Variants in AGMO observed in about 807,000 individuals in gnomAD.
AGMO encodes the protein glyceryl-ether monooxygenase.
A neutral mutation model predicts 60.2 loss-of-function variants in AGMO; 75 were observed. That is an observed-to-expected ratio of 1.25 (90% CI 1.03 to 1.51). AGMO has a LOEUF of 1.51. Among genes scored for constraint, AGMO ranks in the 40% most tolerant of loss-of-function variants. The pLI is 0.00. For synonymous variants in AGMO, 261 were observed against 177.1 expected (o/e 1.47, Z -3.76); for missense variants, 763 against 525.5 (o/e 1.45, Z -4.42).
chr7:15,198,897 G>A (rs780442164), downstream of AGMO, among the ~76,000 whole-genome samples: 8 of 152,174 alleles, frequency 5.3e-5, no homozygotes, highest in South Asian at 2.1e-4. Context: ...GGGAGAGTTC[G>A]AATCTTGTAG....
intron 5 of AGMO, among the ~76,000 whole-genome samples, chr7:15,415,107 A>T (rs578245923): frequency 2.0e-5 from 3 of 152,226 alleles, no homozygotes; most frequent in Non-Finnish European, 4.4e-5. Context: ...TTTAAAAAAA[A>T]TAGTGAACTT....
At chr7:15,190,256 A>G in the AGMO span, among the ~76,000 whole-genome samples, 1 of 139,918 alleles carries the variant, frequency 7.1e-6, no homozygotes, top group Non-Finnish European at 1.6e-5. Context: ...TATATGCAGC[A>G]AACAGCTGTT....
chr7:15,456,073 C>T (rs1781991855), intron 3 of AGMO, among the ~76,000 whole-genome samples: 1 of 151,964 alleles, frequency 6.6e-6, no homozygotes, highest in African/African-American at 2.4e-5. Flanking sequence ...CTCTAGTTTT[C>T]TTATCTATGT....
intron 3 of AGMO, among the ~76,000 whole-genome samples, chr7:15,454,083 T>C (rs1175723812): frequency 1.3e-5 from 2 of 150,536 alleles, no homozygotes; most frequent in Non-Finnish European, 3.0e-5. Context: ...ATGACACATG[T>C]GGAATGTTAC....
At chr7:15,218,143 G>A (rs1292169463) in intron 12 of AGMO, among the ~76,000 whole-genome samples, 1 of 151,932 alleles carries the variant, frequency 6.6e-6, no homozygotes, top group Non-Finnish European at 1.5e-5. Context: ...TGAAAATGAA[G>A]TTTCATATTC....
At chr7:15,424,769 G>C (rs1174527502) in intron 4 of AGMO, among the ~76,000 whole-genome samples, 1 of 152,106 alleles carries the variant, frequency 6.6e-6, no homozygotes, top group Non-Finnish European at 1.5e-5. Context: ...TCTGAGAAAA[G>C]TTTTGTTTCT....
At chr7:15,225,049 T>A (rs1782035905) in intron 12 of AGMO, among the ~76,000 whole-genome samples, 1 of 152,042 alleles carries the variant, frequency 6.6e-6, no homozygotes, top group Non-Finnish European at 1.5e-5. Flanking sequence ...ACATTTGGTA[T>A]ACTTCTTTCA....
chr7:15,396,611 T>A (rs987562613), intron 5 of AGMO: 43 of 152,290 alleles, frequency 2.8e-4, no homozygotes, highest in African/African-American at 8.7e-4. Flanking sequence ...TATTCCCTTA[T>A]CCGGCCCCGC....
At chr7:15,361,802 C>G (rs1465790283) in intron 12 of AGMO, among the ~76,000 whole-genome samples, 1 of 151,984 alleles carries the variant, frequency 6.6e-6, no homozygotes, top group Admixed American at 6.6e-5. Flanking sequence ...ACACACCTCC[C>G]AAATAATGTA....
intron 12 of AGMO, among the ~76,000 whole-genome samples, chr7:15,247,311 T>C: frequency 6.6e-6 from 1 of 152,170 alleles, no homozygotes; most frequent in Middle Eastern, 3.4e-3. Context: ...ATATTTTTCT[T>C]TAAAATTTAT....
chr7:15,181,874 C>G, the AGMO span, among the ~76,000 whole-genome samples: 1 of 152,076 alleles, frequency 6.6e-6, no homozygotes, highest in African/African-American at 2.4e-5. Flanking sequence ...CAGATAAAAT[C>G]TGTAATCTAT....
intron 3 of AGMO, among the ~76,000 whole-genome samples, chr7:15,485,031 A>G (rs1412307069): frequency 1.3e-5 from 2 of 151,692 alleles, no homozygotes; most frequent in Non-Finnish European, 2.9e-5. Context: ...AAAGAGGGTA[A>G]TAAGAAAAAT....
the AGMO span, among the ~76,000 whole-genome samples, chr7:15,168,688 C>T: frequency 2.6e-5 from 4 of 152,260 alleles, no homozygotes; most frequent in South Asian, 8.3e-4. Flanking sequence ...AAAAATAGTT[C>T]CTTAGACTCA....
intron 12 of AGMO, among the ~76,000 whole-genome samples, chr7:15,221,701 C>G (rs1171075350): frequency 2.0e-5 from 3 of 152,082 alleles, no homozygotes; most frequent in Non-Finnish European, 2.9e-5. Context: ...AACTATTGTT[C>G]AAATGAATGT....
chr7:15,434,338 C>T (rs1012337817), intron 3 of AGMO, among the ~76,000 whole-genome samples: 1 of 152,102 alleles, frequency 6.6e-6, no homozygotes, highest in Non-Finnish European at 1.5e-5. Flanking sequence ...CTTTTATAAT[C>T]TCCTACCTTT....
chr7:15,426,414 CA>C (rs1352283735), intron 4 of AGMO, among the ~76,000 whole-genome samples: 1 of 152,008 alleles, frequency 6.6e-6, no homozygotes, highest in Non-Finnish European at 1.5e-5. Flanking sequence ...TAGATAAATG[CA>C]AGGGTTTTAT....
At chr7:15,414,103 G>T (rs952910632) in intron 5 of AGMO, among the ~76,000 whole-genome samples, 1 of 151,994 alleles carries the variant, frequency 6.6e-6, no homozygotes, top group East Asian at 1.9e-4. Context: ...CGCCTCCCAG[G>T]TTCATGCCAT....
Position 15,421,745 on chromosome 7 carries a change from T to G in AGMO, c.514-3092A>C, listed in dbSNP as rs149688066. ...GGTGTATGTCCAGGAGGCTATTGAG[T>G]AAGATTTTGGAAATGTCTGGCTGGA... On this transcript the variant is annotated intron_variant, in intron 4 of 12. Transcript: ENST00000342526. 2.2e-4 allele frequency among the ~76,000 whole-genome samples: 33 copies of G among 152,138 alleles called. No homozygotes were observed. The East Asian group carries it at 5.8e-3, about 27-fold the overall frequency.
At chr7:15,343,168 GATAAC>G (rs1290817867) in intron 12 of AGMO, among the ~76,000 whole-genome samples, 4 of 152,132 alleles carry the variant, frequency 2.6e-5, no homozygotes, top group African/African-American at 4.8e-5. Flanking sequence ...ATATTGGTGT[GATAAC>G]ATATCTCCCC....
Sources: allele counts gnomAD v4.1 joint callset (sites outside exome capture counted in the v4.1 genomes callset), GRCh38; gene constraint gnomAD v4.1.1; transcripts MANE v1.5; gene names NCBI Gene and HGNC (gene_info 2026-07-23, HGNC 2026-07-21).